NHERF1: variants seen among roughly 807,000 people sequenced by gnomAD.
The protein encoded by NHERF1 is NHERF family PDZ scaffold protein 1.
At chr17:74,754,591 C>T in the NHERF1 span, among the ~76,000 whole-genome samples, 2 of 151,620 alleles carry the variant, frequency 1.3e-5, no homozygotes, top group Non-Finnish European at 2.9e-5. Context: ...TTAGTAGAGA[C>T]GGAGTTTCAC....
the NHERF1 span, among the ~76,000 whole-genome samples, chr17:74,766,732 A>G: frequency 2.0e-5 from 3 of 152,118 alleles, no homozygotes; most frequent in African/African-American, 4.8e-5. Flanking sequence ...CCTGCATGAC[A>G]TGGCAAGGCC....
chr17:74,763,258 C>A, the NHERF1 span: 1 of 1,087,490 alleles, frequency 9.2e-7, no homozygotes. Flanking sequence ...TTGTGAACTG[C>A]AAACTGGCTG....
chr17:74,768,935 C>T, the NHERF1 span: 2 of 480,706 alleles, frequency 4.2e-6, no homozygotes, highest in Non-Finnish European at 7.6e-6. Flanking sequence ...TGGGACATCG[C>T]TGGAACCTGC....
At chr17:74,768,142 G>T in the NHERF1 span, 25 of 1,604,728 alleles carry the variant, frequency 1.6e-5, no homozygotes, top group Non-Finnish European at 2.1e-5. Flanking sequence ...TCTCCTCTCT[G>T]CCAGGAGAAC....
the NHERF1 span, among the ~76,000 whole-genome samples, chr17:74,751,674 C>G: frequency 3.3e-5 from 5 of 152,348 alleles, no homozygotes; most frequent in East Asian, 3.9e-4. The surrounding 1 kb of genome is among the most constrained non-coding windows in gnomAD (Gnocchi z 4.3). Context: ...CCGCCTGCCC[C>G]GTGGGGAGAG....
At chr17:74,765,203 T>TC in the NHERF1 span, among the ~76,000 whole-genome samples, 1 of 152,056 alleles carries the variant, frequency 6.6e-6, no homozygotes, top group Non-Finnish European at 1.5e-5. Context: ...AGCCTTCTCG[T>TC]CCCCCCTCAT....
the NHERF1 span, among the ~76,000 whole-genome samples, chr17:74,767,772 T>A: frequency 3.0e-4 from 45 of 152,144 alleles, no homozygotes; most frequent in African/African-American, 1.1e-3. Context: ...GAGCACCACA[T>A]GGGCTCCCCA....
At chr17:74,768,661 CCTG>C in the NHERF1 span, 2 of 1,612,858 alleles carry the variant, frequency 1.2e-6, no homozygotes. Flanking sequence ...CTCTGAGCGC[CCTG>C]CTGCCACCCA....
the NHERF1 span, among the ~76,000 whole-genome samples, chr17:74,750,567 G>T: frequency 6.6e-6 from 1 of 152,296 alleles, no homozygotes; most frequent in African/African-American, 2.4e-5. Context: ...CCCACTTCCT[G>T]CCCCTGCCAA....
chr17:74,762,746 C>T, the NHERF1 span, among the ~76,000 whole-genome samples: 1 of 152,100 alleles, frequency 6.6e-6, no homozygotes, highest in Non-Finnish European at 1.5e-5. The surrounding 1 kb of genome is among the most constrained non-coding windows in gnomAD (Gnocchi z 4.2). Context: ...TTAGTAGAGA[C>T]AGGATTTCAC....
At chr17:74,760,980 C>T in the NHERF1 span, among the ~76,000 whole-genome samples, 2 of 152,334 alleles carry the variant, frequency 1.3e-5, no homozygotes, top group Admixed American at 1.3e-4. This position sits in a 1 kb window ranked among gnomAD's most constrained non-coding sequence, Gnocchi z 4.5. Context: ...TGCACCAGGC[C>T]TGGAGGAGGG....
chr17:74,763,293 C>T, the NHERF1 span: 1 of 1,496,052 alleles, frequency 6.7e-7, no homozygotes, highest in East Asian at 2.3e-5. Context: ...CACCCCTGCC[C>T]CCAACCCCCC....
the NHERF1 span, chr17:74,748,724 C>G: frequency 4.6e-6 from 4 of 864,642 alleles, no homozygotes; most frequent in East Asian, 2.8e-5. This position sits in a 1 kb window ranked among gnomAD's most constrained non-coding sequence, Gnocchi z 4.3. Flanking sequence ...TTGCTTGGCC[C>G]GTCCGGCGGC....
chr17:74,760,225 G>C, the NHERF1 span, among the ~76,000 whole-genome samples: 2 of 152,170 alleles, frequency 1.3e-5, no homozygotes, highest in African/African-American at 4.8e-5. The surrounding 1 kb of genome is among the most constrained non-coding windows in gnomAD (Gnocchi z 4.5). Flanking sequence ...GAGTGCCGGG[G>C]GGTGAGCCTG....
the NHERF1 span, among the ~76,000 whole-genome samples, chr17:74,749,697 C>T: frequency 6.6e-6 from 1 of 152,274 alleles, no homozygotes; most frequent in East Asian, 1.9e-4. The surrounding 1 kb of genome is among the most constrained non-coding windows in gnomAD (Gnocchi z 5.6). Context: ...GGAGAAAGGG[C>T]TCTCCGCCCC....
chr17:74,758,227 G>C, the NHERF1 span, among the ~76,000 whole-genome samples: 1 of 152,196 alleles, frequency 6.6e-6, no homozygotes, highest in Non-Finnish European at 1.5e-5. The surrounding 1 kb of genome is among the most constrained non-coding windows in gnomAD (Gnocchi z 4.3). Context: ...TTCCGTGCCC[G>C]CCATCCGCTC....
the NHERF1 span, among the ~76,000 whole-genome samples, chr17:74,753,026 A>G: frequency 6.6e-6 from 1 of 152,190 alleles, no homozygotes; most frequent in Non-Finnish European, 1.5e-5. Context: ...GATAGAACCT[A>G]CCCACTCTTC....
the NHERF1 span, among the ~76,000 whole-genome samples, chr17:74,751,853 C>T: frequency 6.6e-6 from 1 of 152,280 alleles, no homozygotes; most frequent in South Asian, 2.1e-4. This position sits in a 1 kb window ranked among gnomAD's most constrained non-coding sequence, Gnocchi z 4.3. Context: ...GCCAAGTTAC[C>T]TCACCTCTGT....
At chr17:74,762,182 T>C in the NHERF1 span, 2 of 1,613,736 alleles carry the variant, frequency 1.2e-6, no homozygotes, top group Non-Finnish European at 1.7e-6. This position sits in a 1 kb window ranked among gnomAD's most constrained non-coding sequence, Gnocchi z 4.2. Flanking sequence ...AGGTGATGCT[T>C]CTCGCTCTCT....
Sources: gnomAD v4.1 joint callset for allele counts (sites outside exome capture counted in the v4.1 genomes callset) on GRCh38, gnomAD v4.1.1 for gene constraint, Gnocchi (gnomAD v3.1) non-coding constraint, MANE v1.5 for transcripts, NCBI Gene and HGNC (gene_info 2026-07-23, HGNC 2026-07-21) for gene names.